The following UBE2E2 variants were observed in gnomAD, a reference collection of about 807,000 sequenced individuals.
UBE2E2 encodes the protein ubiquitin-conjugating enzyme E2 E2.
A neutral mutation model predicts 24.7 loss-of-function variants in UBE2E2; 6 were observed. The ratio of observed to expected loss-of-function variants is 0.24; its 90% CI spans 0.13 to 0.48. The LOEUF is 0.48. UBE2E2 is among the 20% of genes least tolerant of loss of function. UBE2E2 has a pLI of 0.99. For missense variants in UBE2E2, 169 were observed against 245.0 expected, an observed-to-expected ratio of 0.69 and a Z score of 2.07; for synonymous variants, 104 against 83.6, an observed-to-expected ratio of 1.24 and a Z score of -1.33.
intron 3 of UBE2E2, among the ~76,000 whole-genome samples, chr3:23,404,432 A>G (rs1480730413): frequency 6.6e-6 from 1 of 152,174 alleles, no homozygotes; most frequent in Admixed American, 6.5e-5. Flanking sequence ...TGTTACTCAT[A>G]GCCCATAAAC....
chr3:23,444,060 G>GTTTTTTTTTTT (rs1359491293), intron 3 of UBE2E2, among the ~76,000 whole-genome samples: 1 of 125,682 alleles, frequency 8.0e-6, no homozygotes, highest in African/African-American at 3.2e-5. Flanking sequence ...TTCTTCACCA[G>GTTTTTTTTTTT]TTTTGTTTTT....
At chr3:23,426,906 G>A (rs1193167579) in intron 3 of UBE2E2, among the ~76,000 whole-genome samples, 1 of 151,896 alleles carries the variant, frequency 6.6e-6, no homozygotes, top group Non-Finnish European at 1.5e-5. Context: ...ACAATATATT[G>A]TGTGCGTATA....
intron 3 of UBE2E2, among the ~76,000 whole-genome samples, chr3:23,490,784 T>A (rs1427705602): frequency 6.6e-6 from 1 of 152,192 alleles, no homozygotes; most frequent in Non-Finnish European, 1.5e-5. Flanking sequence ...TATTTCTTAC[T>A]CTCTGCTAAG....
At chr3:23,587,654 GC>G (rs368178040) in intron 5 of UBE2E2, among the ~76,000 whole-genome samples, 49 of 152,204 alleles carry the variant, frequency 3.2e-4, no homozygotes, top group African/African-American at 1.1e-3. Flanking sequence ...TTTCACTTTG[GC>G]CCCTATTACT....
At chr3:23,235,308 T>C (rs562685670) in intron 3 of UBE2E2, among the ~76,000 whole-genome samples, 18 of 152,256 alleles carry the variant, frequency 1.2e-4, no homozygotes, top group African/African-American at 3.6e-4. Flanking sequence ...GAAATCTTAA[T>C]TGAGAGCAAA....
rs116814987 is a variant in UBE2E2, at chr3:23,465,248, C to T, written c.228-34360C>T. Reference sequence around the variant, plus strand: ...GCTTAAAGGATTATCTAAAACCACACAGCTAATAAGTGGCCAAATGAAGAC... The same window carrying T: ...GCTTAAAGGATTATCTAAAACCACATAGCTAATAAGTGGCCAAATGAAGAC... On this transcript the variant is annotated intron_variant, in intron 3 of 5. Coordinates refer to ENST00000396703, the MANE Select transcript of UBE2E2 (RefSeq NM_152653.4). 1.7e-3 allele frequency among the ~76,000 whole-genome samples: 260 copies of T among 152,270 alleles called. 1 individual carries two copies. Among genetic ancestry groups the T allele is most frequent in the African/African-American group, 6.0e-3 (251 of 41,552 alleles).
chr3:23,530,692 G>A (rs1695103302), intron 4 of UBE2E2, among the ~76,000 whole-genome samples: 1 of 152,116 alleles, frequency 6.6e-6, no homozygotes, highest in African/African-American at 2.4e-5. Context: ...ATCTTTTCAA[G>A]TCCATGCATT....
At chr3:23,367,963 G>T (rs1696305350) in intron 3 of UBE2E2, among the ~76,000 whole-genome samples, 1 of 152,132 alleles carries the variant, frequency 6.6e-6, no homozygotes, top group Non-Finnish European at 1.5e-5. Flanking sequence ...GATTTTTGTT[G>T]TGGTGTGAGA....
At chr3:23,494,047 T>A (rs575916290) in intron 3 of UBE2E2, among the ~76,000 whole-genome samples, 1 of 152,350 alleles carries the variant, frequency 6.6e-6, no homozygotes, top group East Asian at 1.9e-4. Flanking sequence ...CCTAACAGGC[T>A]TTAAATGCCA....
chr3:23,499,061 T>C (rs1025975027), intron 3 of UBE2E2, among the ~76,000 whole-genome samples: 2 of 152,156 alleles, frequency 1.3e-5, no homozygotes, highest in East Asian at 1.9e-4. Context: ...CAAAACACAG[T>C]TATAAAACAA....
rs1001237223 is a variant in UBE2E2 at position 23,281,792 on chromosome 3, A to G, written c.227+64480A>G. ...TCATTCGCAGTAATATTAGAAATCT[A>G]TTACATCTCTTAGAAATATGATATA... On this transcript the variant is annotated intron_variant, in intron 3 of 5. Transcript: ENST00000396703. Among the ~76,000 whole-genome samples the G allele has an allele frequency of 1.2e-4, 18 of 152,252 alleles. No homozygotes were observed. The East Asian group carries it at 3.3e-3, about 28-fold the overall frequency.
intron 3 of UBE2E2, among the ~76,000 whole-genome samples, chr3:23,324,552 G>A (rs1694833944): frequency 6.6e-6 from 1 of 152,088 alleles, no homozygotes; most frequent in South Asian, 2.1e-4. Context: ...GGTGGAATAG[G>A]AAATGAAGTT....
At chr3:23,346,745 T>C (rs1695568936) in intron 3 of UBE2E2, among the ~76,000 whole-genome samples, 1 of 152,228 alleles carries the variant, frequency 6.6e-6, no homozygotes, top group African/African-American at 2.4e-5. Flanking sequence ...CCTTTTACTT[T>C]TCTACTCATT....
At chr3:23,524,335 T>G (rs1169232681) in intron 4 of UBE2E2, among the ~76,000 whole-genome samples, 3 of 152,190 alleles carry the variant, frequency 2.0e-5, no homozygotes, top group African/African-American at 7.2e-5. Context: ...TCAGTTAATC[T>G]TATAACTAGT....
chr3:23,263,091 A>G (rs1210786699), intron 3 of UBE2E2, among the ~76,000 whole-genome samples: 6 of 152,154 alleles, frequency 3.9e-5, no homozygotes, highest in African/African-American at 1.4e-4. Flanking sequence ...GAGAGGTGGA[A>G]AAGGTGTGTT....
In UBE2E2 at chr3:23,276,506, T is replaced by C. The variant is rs534719751; in HGVS notation, c.227+59194T>C. Among the ~76,000 whole-genome samples the C allele has an allele frequency of 1.7e-4, 26 of 152,240 alleles. No individual in the cohort carries two copies. In the South Asian group the frequency reaches 3.7e-3, roughly 22 times the overall value. ...TTCAGAAGGGAAAAAAGCTAGAAAGTTTGTAAAATATTAATATGCTTTATA... is the reference window on the plus strand; with the variant it reads ...TTCAGAAGGGAAAAAAGCTAGAAAGCTTGTAAAATATTAATATGCTTTATA... On this transcript the variant is annotated intron_variant, in intron 3 of 5. Coordinates refer to ENST00000396703, the MANE Select transcript of UBE2E2 (RefSeq NM_152653.4).
intron 3 of UBE2E2, among the ~76,000 whole-genome samples, chr3:23,424,516 G>T (rs1377902882): frequency 2.0e-5 from 3 of 151,106 alleles, no homozygotes. Context: ...AGGATAAAAT[G>T]TAGAAAATTT....
At position 23,352,434 on chromosome 3, in the gene UBE2E2, T is replaced by G. The variant is rs536063008; in HGVS notation, c.227+135122T>G. ...CACAAAAAACCCTTCAAAAAAGTAATGAATCCAGGAGCTGGTTTTTTGAAA... is the reference window on the plus strand; with the variant it reads ...CACAAAAAACCCTTCAAAAAAGTAAGGAATCCAGGAGCTGGTTTTTTGAAA... On this transcript the variant is annotated intron_variant, in intron 3 of 5. Coordinates refer to ENST00000396703, the MANE Select transcript of UBE2E2 (RefSeq NM_152653.4). 2.6e-5 allele frequency among the ~76,000 whole-genome samples: 4 copies of G among 152,192 alleles called. No homozygotes were observed. In the South Asian group the frequency reaches 6.2e-4, roughly 24 times the overall value.
intron 3 of UBE2E2, among the ~76,000 whole-genome samples, chr3:23,411,775 A>G (rs996582420): frequency 2.0e-5 from 3 of 152,158 alleles, no homozygotes; most frequent in African/African-American, 7.2e-5. Flanking sequence ...GAGTCTGTGA[A>G]AATTAAGTAC....
Sources: allele counts gnomAD v4.1 joint callset (sites outside exome capture counted in the v4.1 genomes callset), GRCh38; gene constraint gnomAD v4.1.1; transcripts MANE v1.5; gene names NCBI Gene and HGNC (gene_info 2026-07-23, HGNC 2026-07-21).